The following EDA2R variants were observed in gnomAD, a reference collection of about 807,000 sequenced individuals.
EDA2R encodes the protein ectodysplasin A2 receptor.
In EDA2R, 26 loss-of-function variants were observed where a neutral mutation model predicts 20.1. That is an observed-to-expected ratio of 1.30 (90% CI 0.95 to 1.80). The LOEUF is 1.80. Ranked by LOEUF, EDA2R falls within the 40% of genes most tolerant of loss-of-function variation. The pLI is 0.00. For synonymous variants in EDA2R, 114 were observed against 88.7 expected (o/e 1.29, Z -1.60); for missense variants, 277 against 228.7 (o/e 1.21, Z -1.36).
intron 4 of EDA2R, 145 bp downstream of exon 4, chrX:66,604,276 T>C (rs1403758525): frequency 7.5e-6 from 3 of 399,498 alleles, no homozygotes; most frequent in Non-Finnish European, 1.3e-5. Flanking sequence ...AGATAATATG[T>C]TGTAAAACCA....
chrX:66,630,812 T>C (rs1933672214), intron 1 of EDA2R, among the ~76,000 whole-genome samples: 1 of 57,101 alleles, frequency 1.8e-5, no homozygotes, highest in South Asian at 1.5e-3. Flanking sequence ...AAAAGAATCA[T>C]ATATATATAT....
intron 1 of EDA2R, among the ~76,000 whole-genome samples, chrX:66,625,239 T>C: frequency 9.0e-6 from 1 of 111,312 alleles, no homozygotes; most frequent in East Asian, 2.9e-4. Flanking sequence ...AGCCCTTTTA[T>C]TTCACAGCTG....
At chrX:66,611,700 C>T (rs186784494) in intron 2 of EDA2R, among the ~76,000 whole-genome samples, 159 of 110,216 alleles carry the variant, frequency 1.4e-3, no homozygotes, top group African/African-American at 5.0e-3. Flanking sequence ...GAGACTATAA[C>T]AAAATATAGA....
At chrX:66,614,566 G>A (rs770151785) in intron 2 of EDA2R, among the ~76,000 whole-genome samples, 1 of 111,990 alleles carries the variant, frequency 8.9e-6, no homozygotes, top group African/African-American at 3.2e-5. Flanking sequence ...TACCTCTGGC[G>A]ATCTTTCCTT....
chrX:66,609,757 C>A (rs1378723611), intron 2 of EDA2R, among the ~76,000 whole-genome samples: 2 of 111,831 alleles, frequency 1.8e-5, no homozygotes, highest in Admixed American at 9.5e-5. Flanking sequence ...ATTACATGAG[C>A]TGACCAAATG....
rs867737802 is a variant in EDA2R, at chrX:66,602,705, C to A, written c.445G>T (p.Val149Leu). 1.7e-6 allele frequency: 2 copies of A among 1,200,821 alleles called. No homozygotes were observed. The highest frequency in any genetic ancestry group is 1.7e-5 in the African/African-American group (1 of 57,578). The change falls in exon 5 of 7, where the codon GTG becomes TTG. Residue 149 changes from valine to leucine, a missense_variant. Physicochemically the swap from Val to Leu is conservative, Grantham distance 32 (BLOSUM62 1). Coordinates refer to ENST00000374719, the MANE Select transcript of EDA2R (RefSeq NM_021783.5). ...LVALVSSLLVVFTLAFLGLFF... is the reference protein window; with the variant it reads ...LVALVSSLLVLFTLAFLGLFF... ...AGCCCCAGGAAGGCCAGGGTAAACA[C>A]CACTAGCAGGCTGCTCACCAGTGCA...
At chrX:66,621,031 C>T (rs964692073) in intron 1 of EDA2R, among the ~76,000 whole-genome samples, 10 of 106,768 alleles carry the variant, frequency 9.4e-5, no homozygotes, top group African/African-American at 3.1e-4. Flanking sequence ...AATCCCAGCA[C>T]TTTGGGAGGC....
Position 66,596,415 on chromosome X carries a change from A to G in EDA2R, c.*1689T>C, listed in dbSNP as rs1432929739. ...GCCACCTCCAATTGCTGAACCTCAA[A>G]AAGTTGGAATTAAGGTGATTCTGGG... On this transcript the variant is annotated 3_prime_UTR_variant, in exon 7 of 7. Coordinates refer to ENST00000374719, the MANE Select transcript of EDA2R (RefSeq NM_021783.5). 1 of 111,766 alleles carries G rather than the reference A, an allele frequency of 8.9e-6. No individual in the cohort carries two copies. The highest frequency in any genetic ancestry group is 9.5e-5 in the Admixed American group (1 of 10,543). 9.2% of individuals were successfully genotyped at this position (111,766 alleles called of 1,213,427 possible). A position where few individuals can be genotyped will look rare whatever the true frequency, so the allele number is the denominator to read the frequency against.
chrX:66,597,482 C>T lies in EDA2R; in HGVS notation c.*622G>A, dbSNP rs1927660765. ...TCTCCCTGCTGAGGGTGGTGAGAAC[C>T]TCAAATACAGGGTGAGGCCCCAGGG... On this transcript the variant is annotated 3_prime_UTR_variant, in exon 7 of 7. Coordinates refer to ENST00000374719, the MANE Select transcript of EDA2R (RefSeq NM_021783.5). 8.9e-6 allele frequency: 1 copy of T among 111,794 alleles called. No individual in the cohort carries two copies. The highest frequency in any genetic ancestry group is 9.5e-5 in the Admixed American group (1 of 10,568). The allele number at this position is 111,794 out of a possible 1,213,427, so 9.2% of individuals were successfully genotyped here. A position where few individuals can be genotyped will look rare whatever the true frequency, so the allele number is the denominator to read the frequency against.
chrX:66,596,658 C>T lies in EDA2R; in HGVS notation c.*1446G>A, dbSNP rs929977799. On this transcript the variant is annotated 3_prime_UTR_variant, in exon 7 of 7. Transcript: ENST00000374719. ...GCAGCCTGCTGAAGCCAAATCATCC[C>T]CTGTCTGGATATTATTTCTTCTACC... 9.0e-6 allele frequency: 1 copy of T among 111,291 alleles called. No individual in the cohort carries two copies. Among genetic ancestry groups the T allele is most frequent in the African/African-American group, 3.3e-5 (1 of 30,565 alleles). The allele number at this position is 111,291 out of a possible 1,213,427, so 9.2% of individuals were successfully genotyped here. A position where few individuals can be genotyped will look rare whatever the true frequency, so the allele number is the denominator to read the frequency against.
chrX:66,610,272 A>ACAC (rs1555950268), intron 2 of EDA2R, among the ~76,000 whole-genome samples: 10 of 87,466 alleles, frequency 1.1e-4, no homozygotes, highest in East Asian at 3.8e-4. Context: ...CAGATACACA[A>ACAC]ACACACACAC....
At chrX:66,618,237 T>A (rs1350327188) in intron 1 of EDA2R, among the ~76,000 whole-genome samples, 1 of 111,940 alleles carries the variant, frequency 8.9e-6, no homozygotes, top group East Asian at 2.8e-4. Flanking sequence ...AATTAAATTA[T>A]CTTTCATTCG....
chrX:66,622,595 C>T (rs1410795766), intron 1 of EDA2R, among the ~76,000 whole-genome samples: 5 of 112,044 alleles, frequency 4.5e-5, no homozygotes, highest in African/African-American at 1.6e-4. Context: ...GCCCATTCCT[C>T]TACTGCGAGC....
Position 66,599,751 on chromosome X carries a change from A to G in EDA2R, c.627T>C (p.Phe209=). 1 of 1,210,013 alleles carries G rather than the reference A, an allele frequency of 8.3e-7. No homozygotes were observed. Among genetic ancestry groups the G allele is most frequent in the Non-Finnish European group, 1.1e-6 (1 of 894,861 alleles). Residue 209 remains phenylalanine, a synonymous_variant, in exon 6 of 7, where the codon TTT becomes TTC. Transcript: ENST00000374719. The part of the protein sequence containing the change: ...SAESQVSENI[F]QTQPLNPILE... ...GGATAGGGTTAAGTGGCTGGGTCTG[A>G]AAGATGTTCTCACTCACTTGGGACT...
At chrX:66,614,729 G>C (rs1931374383) in intron 2 of EDA2R, among the ~76,000 whole-genome samples, 2 of 111,770 alleles carry the variant, frequency 1.8e-5, no homozygotes, top group African/African-American at 6.5e-5. Flanking sequence ...AAGTGGGCTA[G>C]ATAATTATTA....
intron 1 of EDA2R, among the ~76,000 whole-genome samples, chrX:66,623,591 C>A (rs28521610): frequency 1.8e-5 from 2 of 111,216 alleles, no homozygotes; most frequent in Admixed American, 9.5e-5. Context: ...TTAGATGATA[C>A]GCCTACCTCA....
intron 1 of EDA2R, among the ~76,000 whole-genome samples, chrX:66,628,699 C>T (rs1933390578): frequency 1.0e-5 from 1 of 99,168 alleles, no homozygotes; most frequent in South Asian, 4.4e-4. Context: ...GTAATTAAAA[C>T]ATTACCAAAA....
intron 1 of EDA2R, among the ~76,000 whole-genome samples, chrX:66,627,849 T>C (rs1208741216): frequency 8.9e-6 from 1 of 111,737 alleles, no homozygotes; most frequent in Non-Finnish European, 1.9e-5. Flanking sequence ...AACAGATATA[T>C]ACAGAACATT....
intron 2 of EDA2R, among the ~76,000 whole-genome samples, chrX:66,606,464 A>C (rs1043491257): frequency 3.6e-5 from 4 of 111,786 alleles, no homozygotes; most frequent in African/African-American, 1.3e-4. Context: ...CCTTGGAATA[A>C]ATATATTAAG....
Sources: gnomAD v4.1 joint callset for allele counts (sites outside exome capture counted in the v4.1 genomes callset) on GRCh38, gnomAD v4.1.1 for gene constraint, MANE v1.5 for transcripts, NCBI Gene and HGNC (gene_info 2026-07-23, HGNC 2026-07-21) for gene names.